The following RARB variants were observed in gnomAD, a reference collection of about 807,000 sequenced individuals.
RARB encodes the protein HBV-activated protein.
RARB carries 17 observed loss-of-function variants against 51.9 expected under a neutral mutation model. The ratio of observed to expected loss-of-function variants is 0.33; its 90% CI spans 0.22 to 0.49. RARB has a LOEUF of 0.49. RARB is among the 20% of genes least tolerant of loss of function. The pLI, the probability that RARB is intolerant of heterozygous loss-of-function variation, is 0.99. For synonymous variants in RARB, 215 were observed against 195.4 expected, an observed-to-expected ratio of 1.10 and a Z score of -0.84; for missense variants, 369 against 550.8, an observed-to-expected ratio of 0.67 and a Z score of 3.30.
chr3:25,045,519 T>C (rs1315619982), intron 2 of RARB, among the ~76,000 whole-genome samples: 3 of 152,210 alleles, frequency 2.0e-5, no homozygotes, highest in Non-Finnish European at 4.4e-5. Flanking sequence ...GTTCATTGTT[T>C]GGGGCCTCTG....
intron 5 of RARB, among the ~76,000 whole-genome samples, chr3:25,265,931 C>T (rs757903682): frequency 1.2e-4 from 19 of 152,186 alleles, no homozygotes; most frequent in Non-Finnish European, 2.5e-4. Flanking sequence ...CACCCACATT[C>T]ATTGGCTCAT....
chr3:25,245,957 A>G (rs887645396), intron 5 of RARB, among the ~76,000 whole-genome samples: 3 of 152,152 alleles, frequency 2.0e-5, no homozygotes, highest in Admixed American at 6.5e-5. Flanking sequence ...AGTTATACCA[A>G]TCAAACGTGG....
intron 2 of RARB, among the ~76,000 whole-genome samples, chr3:25,057,131 A>C (rs963029140): frequency 2.6e-5 from 4 of 152,094 alleles, no homozygotes; most frequent in Admixed American, 1.3e-4. Flanking sequence ...GAGCCTAAAT[A>C]GTCCCACTGT....
intron 4 of RARB, among the ~76,000 whole-genome samples, chr3:25,162,545 A>C (rs1410166541): frequency 6.6e-6 from 1 of 152,186 alleles, no homozygotes; most frequent in Non-Finnish European, 1.5e-5. Flanking sequence ...TCATCACTCT[A>C]AAAAGGAACT....
intron 3 of RARB, among the ~76,000 whole-genome samples, chr3:25,102,277 A>T (rs1699417603): frequency 6.6e-6 from 1 of 152,178 alleles, no homozygotes; most frequent in Admixed American, 6.5e-5. Flanking sequence ...ACTGTGGCTC[A>T]CACCTGTAAT....
At chr3:25,176,701 C>T (rs193171848) in intron 5 of RARB, among the ~76,000 whole-genome samples, 1 of 151,924 alleles carries the variant, frequency 6.6e-6, no homozygotes, top group Admixed American at 6.6e-5. Context: ...GTCTTGGCTA[C>T]TACTGATTTT....
At chr3:25,205,680 G>A (rs913740701) in intron 5 of RARB, among the ~76,000 whole-genome samples, 7 of 151,802 alleles carry the variant, frequency 4.6e-5, no homozygotes, top group African/African-American at 9.7e-5. Context: ...TTTCTCATGT[G>A]CCTCATAAAT....
At chr3:25,013,732 A>G in intron 2 of RARB, among the ~76,000 whole-genome samples, 1 of 152,064 alleles carries the variant, frequency 6.6e-6, no homozygotes, top group East Asian at 1.9e-4. Flanking sequence ...ATTGAGAGGG[A>G]CCATGTGCTG....
intron 2 of RARB, among the ~76,000 whole-genome samples, chr3:25,009,286 A>G (rs373969785): frequency 2.6e-5 from 4 of 152,156 alleles, no homozygotes; most frequent in African/African-American, 7.2e-5. Flanking sequence ...ACTTCGTTCT[A>G]TAATTTTGTG....
chr3:25,539,440 CA>C (rs1031534489), intron 3 of RARB, among the ~76,000 whole-genome samples: 17 of 151,446 alleles, frequency 1.1e-4, no homozygotes, highest in African/African-American at 4.1e-4. Flanking sequence ...TCAAACCAAA[CA>C]TCTCTAACTG....
In RARB at chr3:25,322,170, C is replaced by T. The variant is rs1027802570; in HGVS notation, c.179-139023C>T. Among the ~76,000 whole-genome samples the T allele has an allele frequency of 1.0e-4, 12 of 117,210 alleles. No individual in the cohort carries two copies. The Admixed American group carries it at 1.1e-3, about 10-fold the overall frequency. 76.9% of individuals were successfully genotyped at this position (117,210 alleles called of 152,430 possible). A position where few individuals can be genotyped will look rare whatever the true frequency, so the allele number is the denominator to read the frequency against. On this transcript the variant is annotated intron_variant, in intron 5 of 11. Coordinates refer to the RARB transcript ENST00000383772. ...ATGGAAATTTGGTATATGAGGTGGG[C>T]ATTGAAATGAGTGATGAAAACATAT... is the stretch of plus-strand genomic sequence containing the variant.
intron 4 of RARB, among the ~76,000 whole-genome samples, chr3:25,577,205 C>A (rs1700972213): frequency 6.6e-6 from 1 of 152,208 alleles, no homozygotes; most frequent in South Asian, 2.1e-4. Flanking sequence ...CCCTCCGGTT[C>A]GCCCGCGGGA....
chr3:25,284,702 A>G (rs1703607274), intron 5 of RARB, among the ~76,000 whole-genome samples: 1 of 152,196 alleles, frequency 6.6e-6, no homozygotes, highest in Admixed American at 6.5e-5. Context: ...CTCGACTCAC[A>G]TTTAAATAAC....
chr3:25,089,107 C>A (rs541525115), intron 3 of RARB, among the ~76,000 whole-genome samples: 3 of 151,772 alleles, frequency 2.0e-5, no homozygotes, highest in African/African-American at 7.2e-5. Flanking sequence ...ATTAGAGATT[C>A]TTCTCAAGGG....
At chr3:25,075,457 G>A (rs556629768) in intron 3 of RARB, among the ~76,000 whole-genome samples, 25 of 152,114 alleles carry the variant, frequency 1.6e-4, no homozygotes, top group Non-Finnish European at 3.2e-4. Context: ...TGAGCCTGGG[G>A]CATTCCTGAG....
chr3:25,239,300 G>C (rs1174586185), intron 5 of RARB, among the ~76,000 whole-genome samples: 1 of 152,108 alleles, frequency 6.6e-6, no homozygotes, highest in Non-Finnish European at 1.5e-5. Context: ...AAGCTTCTTG[G>C]TTTAATATAG....
At chr3:25,195,892 T>G (rs932329673) in intron 5 of RARB, among the ~76,000 whole-genome samples, 1 of 151,998 alleles carries the variant, frequency 6.6e-6, no homozygotes, top group Non-Finnish European at 1.5e-5. Flanking sequence ...TCTGTTAATT[T>G]CCTGGAATCA....
At chr3:25,112,725 C>T (rs931474048) in intron 3 of RARB, among the ~76,000 whole-genome samples, 7 of 152,098 alleles carry the variant, frequency 4.6e-5, no homozygotes, top group Admixed American at 2.6e-4. Flanking sequence ...CTGCAGTGAG[C>T]CATAATAGCA....
At chr3:25,518,890 C>G (rs1698287296) in intron 3 of RARB, among the ~76,000 whole-genome samples, 2 of 152,104 alleles carry the variant, frequency 1.3e-5, no homozygotes, top group African/African-American at 4.8e-5. Flanking sequence ...CTCCTAAGAT[C>G]TTAGAAGGAA....
Sources: gnomAD v4.1 joint callset for allele counts (sites outside exome capture counted in the v4.1 genomes callset) on GRCh38, gnomAD v4.1.1 for gene constraint, MANE v1.5 for transcripts, NCBI Gene and HGNC (gene_info 2026-07-23, HGNC 2026-07-21) for gene names.